Variants in HMCN2 observed in about 807,000 individuals in gnomAD.
The protein encoded by HMCN2 is hemicentin 2.
In HMCN2, 325 loss-of-function variants were observed where a neutral mutation model predicts 377.5. The ratio of observed to expected loss-of-function variants is 0.86; its 90% CI spans 0.79 to 0.94. The LOEUF is 0.94. Among genes scored for constraint, HMCN2 ranks in the 40% least tolerant of loss-of-function variants. The pLI is 0.00. For synonymous variants in HMCN2, 2,007 were observed against 2,046.8 expected (o/e 0.98, Z 0.53); for missense variants, 4,543 against 4,725.3 (o/e 0.96, Z 1.13).
In HMCN2 at chr9:130,431,504, C is replaced by A. The variant is rs193203147; in HGVS notation, c.14767+18C>A. The A allele has an allele frequency of 1.3e-6, 2 of 1,546,012 alleles. No homozygotes were observed. The highest frequency in any genetic ancestry group is 1.7e-6 in the Non-Finnish European group (2 of 1,146,234). ...CTGCCAGGGTGAGCCGGGCTCAGGC[C>A]GCCGCCCAAACACCCGTGGGGCTAG... On this transcript the variant is annotated intron_variant, in intron 96 of 97. Coordinates refer to ENST00000683500, the MANE Select transcript of HMCN2 (RefSeq NM_001291815.2).
intron 15 of HMCN2, among the ~76,000 whole-genome samples, chr9:130,315,011 CT>C (rs1837455472): frequency 1.3e-5 from 2 of 151,818 alleles, no homozygotes; most frequent in African/African-American, 4.8e-5. Flanking sequence ...TCACCAGGGC[CT>C]TTCCCTTGGA....
At chr9:130,343,580 G>A (rs1265940345) in intron 25 of HMCN2, among the ~76,000 whole-genome samples, 2 of 152,062 alleles carry the variant, frequency 1.3e-5, no homozygotes, top group African/African-American at 2.4e-5. Context: ...GCGCCACCTT[G>A]CGTTGGATTC....
At chr9:130,366,372 C>A (rs1304609777) in intron 43 of HMCN2, among the ~76,000 whole-genome samples, 1 of 152,076 alleles carries the variant, frequency 6.6e-6, no homozygotes, top group African/African-American at 2.4e-5. Flanking sequence ...TAGTCTGTGA[C>A]CCCTGTGAGG....
rs1010577223 is a variant in HMCN2, at chr9:130,368,318, C to G, written c.6668C>G (p.Ser2223Trp). ...PGEGAGLQHVSAVGRLLYLGQ... is the reference protein window; with the variant it reads ...PGEGAGLQHVWAVGRLLYLGQ... The stretch of plus-strand genomic sequence containing the variant: ...GAGGGGGCTGGCCTCCAGCACGTGT[C>G]GGCTGTGGGGAGGCTGTTGTACCTG... Residue 2223 changes from serine (S) to tryptophan (W), a missense_variant, in exon 44 of 98, where the codon TCG becomes TGG. Physicochemically the swap from Ser to Trp is radical, Grantham distance 177 (BLOSUM62 -3). Transcript: ENST00000683500. The G allele has an allele frequency of 1.0e-6, 1 of 985,562 alleles. No individual in the cohort carries two copies. Among genetic ancestry groups the G allele is most frequent in the African/African-American group, 1.7e-5 (1 of 57,186 alleles). The allele number at this position is 985,562 out of a possible 1,614,324, so 61.1% of individuals were successfully genotyped here.
rs200061736 is a variant in HMCN2 at position 130,304,061 on chromosome 9, C to T, written c.1543+453C>T. On this transcript the variant is annotated intron_variant, in intron 10 of 97. Coordinates refer to ENST00000683500, the MANE Select transcript of HMCN2 (RefSeq NM_001291815.2). The surrounding 1 kb of genome is among the most constrained non-coding windows in gnomAD (Gnocchi z 4.3). ...TGCTTTGTAGAGAAAAAAAGGAACC[C>T]GTAAGCGTGGAAAGATCAGCCACTC... is the stretch of plus-strand genomic sequence containing the variant. Among the ~76,000 whole-genome samples the T allele has an allele frequency of 6.6e-4, 100 of 152,302 alleles. No homozygotes were observed. In the South Asian group the frequency reaches 0.014, roughly 21 times the overall value.
intron 15 of HMCN2, among the ~76,000 whole-genome samples, chr9:130,313,036 G>C (rs1335003234): frequency 8.5e-5 from 13 of 152,280 alleles, no homozygotes; most frequent in African/African-American, 2.4e-4. Context: ...GTTGACCTTG[G>C]AGCCATGTCC....
At chr9:130,430,258 A>C in intron 94 of HMCN2, 26 bp from the exon 95 acceptor site, 1 of 1,511,932 alleles carries the variant, frequency 6.6e-7, no homozygotes, top group Non-Finnish European at 8.8e-7. Flanking sequence ...CCACCTGTGC[A>C]CACACCTGAC....
intron 85 of HMCN2, among the ~76,000 whole-genome samples, chr9:130,413,456 T>C (rs1164388532): frequency 6.6e-6 from 1 of 152,174 alleles, no homozygotes; most frequent in Non-Finnish European, 1.5e-5. Context: ...GTTTTTGTCA[T>C]GCATGGAATA....
Position 130,332,291 on chromosome 9 carries a change from C to T in HMCN2, c.3359+4816C>T, listed in dbSNP as rs952588977. ...GAGCCGGACGTTTAGATCACCATGG[C>T]GGTTAGGAAGGAGCATGGTCGCACA... On this transcript the variant is annotated intron_variant, in intron 22 of 97. Coordinates refer to ENST00000683500, the MANE Select transcript of HMCN2 (RefSeq NM_001291815.2). Among the ~76,000 whole-genome samples, 5 of 152,252 alleles carry T rather than the reference C, an allele frequency of 3.3e-5. No homozygotes were observed. In the East Asian group the frequency reaches 7.7e-4, roughly 24 times the overall value.
rs1159130866 is a variant in HMCN2, at chr9:130,425,113, G to A, written c.13624G>A (p.Ala4542Thr). The A allele has an allele frequency of 3.9e-6, 6 of 1,549,206 alleles. No individual in the cohort carries two copies. The highest frequency in any genetic ancestry group is 2.4e-5 in the South Asian group (2 of 83,946). Residue 4542 changes from alanine (A) to threonine (T), a missense_variant, in exon 89 of 98, where the codon GCA (alanine) becomes ACA (threonine). This residue lies in a region of HMCN2 where 1,155 missense variants were observed against 1,157.7 expected (regional missense o/e 1.00). Coordinates refer to ENST00000683500, the MANE Select transcript of HMCN2 (RefSeq NM_001291815.2). ...CGTTGTCCCCGAGAGCCTGGCTGAC[G>A]CAGATCTTCAAGTGCAGGTCGGGGG... ...NGVVPESLAD[A>T]DLQVQDFEEH...
chr9:130,431,736 C>T (rs1452328532), intron 96 of HMCN2, among the ~76,000 whole-genome samples: 1 of 152,228 alleles, frequency 6.6e-6, no homozygotes, highest in Non-Finnish European at 1.5e-5. Flanking sequence ...CCTGCAAGGC[C>T]AATCCTAGCA....
chr9:130,300,214 C>T (rs1240809496), intron 8 of HMCN2, among the ~76,000 whole-genome samples: 2 of 151,970 alleles, frequency 1.3e-5, no homozygotes, highest in African/African-American at 4.8e-5. Context: ...CACCCATTCA[C>T]TATTAATTCA....
chr9:130,296,902 C>A, intron 7 of HMCN2, 108 bp downstream of exon 7: 1 of 412,864 alleles, frequency 2.4e-6, no homozygotes, highest in Non-Finnish European at 5.0e-6. Context: ...CTGTGTGTGA[C>A]TGTGAAAGGG....
intron 6 of HMCN2, 133 bp from the exon 7 acceptor site, chr9:130,296,541 T>C (rs1323011730): frequency 2.6e-6 from 1 of 379,264 alleles, no homozygotes; most frequent in South Asian, 1.9e-5. Flanking sequence ...AGGAGGTAAG[T>C]TGCCCATGTG....
rs936682346 is a variant in HMCN2 at position 130,396,290 on chromosome 9, C to G, written c.11175C>G (p.Val3725=). The G allele has an allele frequency of 7.8e-7, 1 of 1,274,712 alleles. No individual in the cohort carries two copies. Among genetic ancestry groups the G allele is most frequent in the South Asian group, 1.2e-5 (1 of 80,650 alleles). 79.0% of individuals were successfully genotyped at this position (1,274,712 alleles called of 1,614,324 possible). Residue 3725 remains valine, a synonymous_variant, in exon 73 of 98, where the codon GTC becomes GTG. Coordinates refer to ENST00000683500, the MANE Select transcript of HMCN2 (RefSeq NM_001291815.2). ...APLVSWRKDR[V]PLDPRSPRFE... is the part of the protein sequence containing the mutation. ...TCGTGAGCTGGCGGAAGGACAGGGT[C>G]CCCCTGGATCCCAGGAGCCCCAGGT...
chr9:130,383,954 C>T, intron 57 of HMCN2, among the ~76,000 whole-genome samples: 1 of 152,158 alleles, frequency 6.6e-6, no homozygotes, highest in East Asian at 1.9e-4. Flanking sequence ...AGGGAGGTCG[C>T]CCTCAGAGAG....
At position 130,306,240 on chromosome 9, in the gene HMCN2, G is replaced by A. The variant is rs557231040; in HGVS notation, c.1928G>A (p.Arg643His). Reference sequence around the variant, plus strand: ...CCCACACCCCACATCTCCTGGAGCCGTGAGAGCCAAGCCCTACAAGAGGAC... The same window carrying A: ...CCCACACCCCACATCTCCTGGAGCCATGAGAGCCAAGCCCTACAAGAGGAC... ...GYPTPHISWS[R>H]ESQALQEDSR... The change falls in exon 12 of 98, where the codon CGT (arginine) becomes CAT (histidine). Residue 643 changes from arginine (R) to histidine (H), a missense_variant. Transcript: ENST00000683500. 1.6e-3 allele frequency: 768 copies of A among 471,048 alleles called. 2 individuals are homozygous for A. The highest frequency in any genetic ancestry group is 2.7e-3 in the Non-Finnish European group (622 of 227,030). 29.2% of individuals were successfully genotyped at this position (471,048 alleles called of 1,614,324 possible).
chr9:130,311,181 G>A (rs1479002484), intron 15 of HMCN2, among the ~76,000 whole-genome samples: 1 of 152,260 alleles, frequency 6.6e-6, no homozygotes, highest in African/African-American at 2.4e-5. Flanking sequence ...AGAGAGGCAG[G>A]TGCTAGAGTT....
At chr9:130,381,186 C>G (rs1341083643) in intron 54 of HMCN2, among the ~76,000 whole-genome samples, 1 of 152,146 alleles carries the variant, frequency 6.6e-6, no homozygotes, top group Non-Finnish European at 1.5e-5. Flanking sequence ...CATCAACTGA[C>G]CCCTACAATG....
Sources: allele counts gnomAD v4.1 joint callset (sites outside exome capture counted in the v4.1 genomes callset), GRCh38; gene constraint gnomAD v4.1.1; regional missense constraint gnomAD v4.1.1; non-coding constraint Gnocchi (gnomAD v3.1); transcripts MANE v1.5; gene names NCBI Gene and HGNC (gene_info 2026-07-23, HGNC 2026-07-21).